Variants in MED13L observed in about 807,000 individuals in gnomAD.
MED13L encodes mediator complex subunit 13L.
MED13L carries 7 observed loss-of-function variants against 220.9 expected under a neutral mutation model. The observed-to-expected ratio is 0.03, with a 90% CI of 0.02 to 0.06. The LOEUF (loss-of-function observed/expected upper bound fraction) is 0.06. Among genes scored for constraint, MED13L ranks in the 10% least tolerant of loss-of-function variants. The pLI is 1.00. For missense variants in MED13L, 1,965 were observed against 2,760.5 expected, an observed-to-expected ratio of 0.71 and a Z score of 6.46; for synonymous variants, 1,011 against 1,015.2, an observed-to-expected ratio of 1.00 and a Z score of 0.08.
chr12:116,143,283 G>GC (rs1053843410), intron 2 of MED13L, among the ~76,000 whole-genome samples: 1 of 151,372 alleles, frequency 6.6e-6, no homozygotes, highest in African/African-American at 2.4e-5. Context: ...CCGAGGCAGG[G>GC]CAGGGGTGAA....
At chr12:116,004,802 T>C (rs1005801640) in intron 13 of MED13L, among the ~76,000 whole-genome samples, 2 of 152,150 alleles carry the variant, frequency 1.3e-5, no homozygotes, top group Admixed American at 6.5e-5. Context: ...AGTAATGGTA[T>C]ATAATATCTG....
chr12:116,074,067 C>T (rs1464989899), intron 4 of MED13L, among the ~76,000 whole-genome samples: 1 of 152,186 alleles, frequency 6.6e-6, no homozygotes, highest in Non-Finnish European at 1.5e-5. Flanking sequence ...TCCCCAATCC[C>T]ATACCTTAAA....
At chr12:116,172,259 A>G (rs957887959) in intron 2 of MED13L, among the ~76,000 whole-genome samples, 2 of 152,218 alleles carry the variant, frequency 1.3e-5, no homozygotes, top group Non-Finnish European at 2.9e-5. Flanking sequence ...CTTTTATAAA[A>G]TGAAAGAATC....
At chr12:116,115,122 A>G (rs1874397997) in intron 2 of MED13L, among the ~76,000 whole-genome samples, 1 of 152,192 alleles carries the variant, frequency 6.6e-6, no homozygotes, top group East Asian at 1.9e-4. Flanking sequence ...TGGTAAAAGA[A>G]AAATACAGAA....
chr12:116,101,884 A>G (rs1405987569), intron 3 of MED13L, among the ~76,000 whole-genome samples: 5 of 152,206 alleles, frequency 3.3e-5, no homozygotes, highest in African/African-American at 7.2e-5. Context: ...CTAAGACTAT[A>G]TATCAATTAA....
chr12:116,014,279 G>A lies in MED13L; in HGVS notation c.1175+830C>T, dbSNP rs139928036. On this transcript the variant is annotated intron_variant, in intron 8 of 30. Transcript: ENST00000281928. ...AACATTTCATTGGCTTCTAAATGAG[G>A]GAAGTTATTGGATTTTACTGACATG... Among the ~76,000 whole-genome samples, 402 of 152,296 alleles carry A rather than the reference G, an allele frequency of 2.6e-3. 2 individuals are homozygous for A. The highest frequency in any genetic ancestry group is 8.9e-3 in the African/African-American group (371 of 41,576).
In MED13L at chr12:115,986,257, C is replaced by A; in HGVS notation, c.4338+9G>T. ...TCATAAAAAGCAATTTTCACAGTAACTTCCTCACCTCGTATACAGCACTCA... is the reference window on the plus strand; with the variant it reads ...TCATAAAAAGCAATTTTCACAGTAAATTCCTCACCTCGTATACAGCACTCA... On this transcript the variant is annotated intron_variant, in intron 19 of 30. Coordinates refer to ENST00000281928, the MANE Select transcript of MED13L (RefSeq NM_015335.5). 6.2e-7 allele frequency: 1 copy of A among 1,612,636 alleles called. No homozygotes were observed. The highest frequency in any genetic ancestry group is 8.5e-7 in the Non-Finnish European group (1 of 1,178,636).
intron 1 of MED13L, among the ~76,000 whole-genome samples, chr12:116,271,040 CAAAAAAA>C (rs58162276): frequency 2.9e-3 from 87 of 30,078 alleles, no homozygotes; most frequent in African/African-American, 8.5e-3. Context: ...GACTCCGTCT[CAAAAAAA>C]AAAAAAAAAA....
At position 116,206,640 on chromosome 12, in the gene MED13L, GTCC is replaced by G. The variant is rs913942881; in HGVS notation, c.310+30825_310+30827del. Among the ~76,000 whole-genome samples, 9 of 151,992 alleles carry G rather than the reference GTCC, an allele frequency of 5.9e-5. No homozygotes were observed. In the South Asian group the frequency reaches 1.5e-3, roughly 25 times the overall value. ...AGTAGCCTTTTTTTTTCAAACACCT[GTCC>G]TCCTCTTATTATTAAATCTAGGAAT... On this transcript the variant is annotated intron_variant, in intron 2 of 30. Transcript: ENST00000281928.
intron 2 of MED13L, among the ~76,000 whole-genome samples, chr12:116,146,644 C>A (rs994973313): frequency 6.6e-6 from 1 of 151,842 alleles, no homozygotes; most frequent in Non-Finnish European, 1.5e-5. Context: ...GCAGGGGGGA[C>A]TGCTTGAGGC....
Position 115,975,882 on chromosome 12 carries a change from A to G in MED13L, c.5365-144T>C, listed in dbSNP as rs189085144. 3.2e-5 allele frequency: 24 copies of G among 740,408 alleles called. No homozygotes were observed. The African/African-American group carries it at 4.2e-4, about 13-fold the overall frequency. The allele number at this position is 740,408 out of a possible 1,614,324, so 45.9% of individuals were successfully genotyped here. ...TCTCTCTCTCCAGTACTAGAGACAC[A>G]TAAATAGTACTGAGGACACATAACA... On this transcript the variant is annotated intron_variant, in intron 23 of 30. Transcript: ENST00000281928.
At chr12:116,200,953 C>T (rs573262441) in intron 2 of MED13L, among the ~76,000 whole-genome samples, 1 of 152,048 alleles carries the variant, frequency 6.6e-6, no homozygotes, top group Admixed American at 6.6e-5. Flanking sequence ...AAAACAGATA[C>T]AGATCAGATC....
At chr12:116,210,551 C>CTATATATATATATA (rs3043762) in intron 2 of MED13L, among the ~76,000 whole-genome samples, 166 of 113,612 alleles carry the variant, frequency 1.5e-3, no homozygotes, top group Middle Eastern at 4.2e-3. Flanking sequence ...AGAACGTAAC[C>CTATATATATATATA]TATATATATA....
intron 4 of MED13L, among the ~76,000 whole-genome samples, chr12:116,034,146 C>G (rs1400306724): frequency 6.6e-6 from 1 of 152,144 alleles, no homozygotes; most frequent in Non-Finnish European, 1.5e-5. Flanking sequence ...CTACACATCT[C>G]TGTGTATACC....
At chr12:116,076,679 A>G (rs952682709) in intron 4 of MED13L, among the ~76,000 whole-genome samples, 2 of 152,220 alleles carry the variant, frequency 1.3e-5, no homozygotes, top group Admixed American at 1.3e-4. Flanking sequence ...TATTGTGACA[A>G]GTCTGAACTA....
chr12:116,145,033 C>A (rs1448998019), intron 2 of MED13L, among the ~76,000 whole-genome samples: 2 of 152,204 alleles, frequency 1.3e-5, no homozygotes. Context: ...ACTGACTTCA[C>A]ATTATGATCC....
chr12:116,193,704 C>T (rs2138276539), intron 2 of MED13L, among the ~76,000 whole-genome samples: 1 of 151,662 alleles, frequency 6.6e-6, no homozygotes, highest in African/African-American at 2.4e-5. Context: ...TAATCAGAGT[C>T]CCCAAAATCA....
At position 116,223,032 on chromosome 12, in the gene MED13L, T is replaced by C. The variant is rs1274269095; in HGVS notation, c.310+14436A>G. Among the ~76,000 whole-genome samples, 3 of 152,212 alleles carry C rather than the reference T, an allele frequency of 2.0e-5. No homozygotes were observed. In the South Asian group the frequency reaches 6.2e-4, roughly 31 times the overall value. ...GAAAGCTATTGTCAATTTGATTCTA[T>C]AGTAAAACGTTCAGGACTTTCTCAG... On this transcript the variant is annotated intron_variant, in intron 2 of 30. Transcript: ENST00000281928.
At chr12:116,128,632 T>C (rs1348353238) in intron 2 of MED13L, among the ~76,000 whole-genome samples, 3 of 152,200 alleles carry the variant, frequency 2.0e-5, no homozygotes, top group Admixed American at 6.5e-5. Context: ...TTCCTATGCA[T>C]AATTCATTCT....
Sources: allele counts gnomAD v4.1 joint callset (sites outside exome capture counted in the v4.1 genomes callset), GRCh38; gene constraint gnomAD v4.1.1; transcripts MANE v1.5; gene names NCBI Gene and HGNC (gene_info 2026-07-23, HGNC 2026-07-21).